Variants in EEIG1 observed in about 807,000 individuals in gnomAD.
EEIG1 encodes the protein estrogen-induced osteoclastogenesis regulator 1.
chr9:127,969,378 G>A, the EEIG1 span, among the ~76,000 whole-genome samples: 2 of 152,180 alleles, frequency 1.3e-5, no homozygotes, highest in Non-Finnish European at 2.9e-5. Flanking sequence ...GGGACAGAGG[G>A]AGGAATATGG....
the EEIG1 span, among the ~76,000 whole-genome samples, chr9:127,971,956 G>C: frequency 6.6e-6 from 1 of 152,166 alleles, no homozygotes; most frequent in Non-Finnish European, 1.5e-5. Context: ...AGCCGACGAG[G>C]CCAGCCTGAT....
At chr9:127,968,962 C>T in the EEIG1 span, among the ~76,000 whole-genome samples, 1 of 152,214 alleles carries the variant, frequency 6.6e-6, no homozygotes, top group Non-Finnish European at 1.5e-5. Flanking sequence ...ACGGACTCCA[C>T]ACATATGTAC....
chr9:127,972,175 G>A, the EEIG1 span, among the ~76,000 whole-genome samples: 2 of 152,018 alleles, frequency 1.3e-5, no homozygotes, highest in African/African-American at 2.4e-5. The surrounding 1 kb of genome is among the most constrained non-coding windows in gnomAD (Gnocchi z 4.3). Context: ...AAGCAGGGAC[G>A]CTCCAACTCA....
the EEIG1 span, among the ~76,000 whole-genome samples, chr9:127,958,485 C>G: frequency 6.6e-6 from 1 of 151,954 alleles, no homozygotes; most frequent in Non-Finnish European, 1.5e-5. Context: ...GGCAACACAA[C>G]AAGACCCCAT....
the EEIG1 span, among the ~76,000 whole-genome samples, chr9:127,951,876 C>T: frequency 6.6e-6 from 1 of 151,880 alleles, no homozygotes; most frequent in South Asian, 2.1e-4. Context: ...GAAGCTTGCC[C>T]AGGGCCAAAC....
the EEIG1 span, among the ~76,000 whole-genome samples, chr9:127,966,312 G>T: frequency 5.3e-5 from 8 of 152,114 alleles, no homozygotes; most frequent in African/African-American, 1.9e-4. Flanking sequence ...GATCTTCAAG[G>T]GAAACCCCAC....
the EEIG1 span, chr9:127,953,510 C>T: frequency 6.7e-7 from 1 of 1,484,898 alleles, no homozygotes; most frequent in Non-Finnish European, 9.4e-7. Flanking sequence ...CTGGAGGCTT[C>T]CCTTGTGCCT....
At chr9:127,941,235 G>A in the EEIG1 span, 2 of 152,376 alleles carry the variant, frequency 1.3e-5, no homozygotes, top group South Asian at 2.1e-4. Context: ...TCCTTCTGGG[G>A]TTCCTGGTCT....
At chr9:127,967,941 C>T in the EEIG1 span, among the ~76,000 whole-genome samples, 4 of 151,572 alleles carry the variant, frequency 2.6e-5, no homozygotes, top group East Asian at 1.9e-4. Context: ...CCTTCTTCTC[C>T]ACCCCAGGAC....
the EEIG1 span, chr9:127,950,728 C>T: frequency 7.2e-7 from 1 of 1,395,630 alleles, no homozygotes. Flanking sequence ...GCAGCACCAA[C>T]ATGGCAAAGC....
At chr9:127,948,762 C>T in the EEIG1 span, among the ~76,000 whole-genome samples, 1 of 152,194 alleles carries the variant, frequency 6.6e-6, no homozygotes, top group Non-Finnish European at 1.5e-5. Flanking sequence ...TCACCCCGGC[C>T]CTGTGTAAGG....
At chr9:127,965,106 C>CAAAAAAAAA in the EEIG1 span, among the ~76,000 whole-genome samples, 9 of 69,726 alleles carry the variant, frequency 1.3e-4, no homozygotes, top group African/African-American at 2.8e-4. Flanking sequence ...AAGACTGTCT[C>CAAAAAAAAA]AAAAAAAAAA....
the EEIG1 span, chr9:127,945,805 GCTCA>G: frequency 4.0e-6 from 5 of 1,239,046 alleles, no homozygotes; most frequent in South Asian, 3.9e-5. The surrounding 1 kb of genome is among the most constrained non-coding windows in gnomAD (Gnocchi z 6.5). Flanking sequence ...ACCCAGTGCT[GCTCA>G]CTGTCGCCCT....
At chr9:127,951,244 C>G in the EEIG1 span, among the ~76,000 whole-genome samples, 4 of 152,176 alleles carry the variant, frequency 2.6e-5, no homozygotes, top group African/African-American at 9.7e-5. Context: ...AAGACATCTC[C>G]GGTTCCCTCT....
At chr9:127,970,815 C>CCTTGCCGTGCCTCTGCT in the EEIG1 span, among the ~76,000 whole-genome samples, 1 of 152,234 alleles carries the variant, frequency 6.6e-6, no homozygotes, top group African/African-American at 2.4e-5. Flanking sequence ...GTGCCTCTGC[C>CCTTGCCGTGCCTCTGCT]GCAGGCTGCT....
chr9:127,946,011 C>T, the EEIG1 span, among the ~76,000 whole-genome samples: 1 of 152,252 alleles, frequency 6.6e-6, no homozygotes, highest in Non-Finnish European at 1.5e-5. Flanking sequence ...TGAACAAAAA[C>T]TGCCTCCACT....
the EEIG1 span, among the ~76,000 whole-genome samples, chr9:127,946,441 C>CAG: frequency 1.3e-5 from 2 of 150,924 alleles, no homozygotes; most frequent in Non-Finnish European, 3.0e-5. Flanking sequence ...CAACACACCC[C>CAG]AGGCTGGCCT....
the EEIG1 span, among the ~76,000 whole-genome samples, chr9:127,970,031 T>C: frequency 6.6e-6 from 1 of 152,072 alleles, no homozygotes; most frequent in African/African-American, 2.4e-5. Flanking sequence ...CAGAAGGTCC[T>C]TCCAGACATG....
chr9:127,980,171 GA>G, the EEIG1 span: 47 of 1,593,040 alleles, frequency 3.0e-5, no homozygotes, highest in East Asian at 7.6e-4. Flanking sequence ...CCCCGAAGGC[GA>G]AAAAAGGTGG....
Sources: allele counts gnomAD v4.1 joint callset (sites outside exome capture counted in the v4.1 genomes callset), GRCh38; gene constraint gnomAD v4.1.1; non-coding constraint Gnocchi (gnomAD v3.1); transcripts MANE v1.5; gene names NCBI Gene and HGNC (gene_info 2026-07-23, HGNC 2026-07-21).